Variants in ANPEP observed in about 807,000 individuals in gnomAD.
ANPEP encodes the protein alanyl aminopeptidase, membrane.
In ANPEP, 70 loss-of-function variants were observed where a neutral mutation model predicts 114.6. That is an observed-to-expected ratio of 0.61 (90% confidence interval 0.50 to 0.75). ANPEP has a LOEUF of 0.75. Ranked by LOEUF, ANPEP falls within the 30% of genes least tolerant of loss-of-function variation. The probability of loss-of-function intolerance (pLI) is 0.00; values close to 1 mark genes in which losing one functional copy is unlikely to be tolerated. For synonymous variants in ANPEP, 548 were observed against 522.3 expected, an observed-to-expected ratio of 1.05 and a Z score of -0.67; for missense variants, 1,184 against 1,259.5, an observed-to-expected ratio of 0.94 and a Z score of 0.91.
intron 18 of ANPEP, 86 bp from the exon 19 acceptor site, chr15:89,791,179 C>T: frequency 6.8e-7 from 1 of 1,474,732 alleles, no homozygotes; most frequent in Non-Finnish European, 9.3e-7. Context: ...ATCACCTATG[C>T]CTGCATCCTC....
intron 15 of ANPEP, among the ~76,000 whole-genome samples, chr15:89,796,489 T>C (rs2141797653): frequency 6.6e-6 from 1 of 152,154 alleles, no homozygotes; most frequent in Non-Finnish European, 1.5e-5. Flanking sequence ...TTGAACTTTT[T>C]TTTTTTCTTT....
At chr15:89,785,565 C>A in intron 20 of ANPEP, 64 bp from the exon 21 acceptor site, 1 of 1,599,782 alleles carries the variant, frequency 6.3e-7, no homozygotes, top group South Asian at 1.1e-5. Context: ...GAGGAGCTCT[C>A]TCAGGCCTCT....
intron 15 of ANPEP, chr15:89,797,304 C>T (rs560872780): frequency 5.5e-6 from 2 of 366,048 alleles, no homozygotes; most frequent in Admixed American, 4.7e-5. Flanking sequence ...GAAGTCTCCG[C>T]GACCTTTATT....
Position 89,793,029 on chromosome 15 carries a change from A to G in ANPEP, c.2249+6T>C, listed in dbSNP as rs758952297. ...GACTTCCAAACCCATGAGAGCTCCC[A>G]CTCACTGGTCCATCAGGTTTTCTGG... On this transcript the variant is annotated splice_donor_region_variant and intron_variant, in intron 16 of 20. Transcript: ENST00000300060. 4.3e-6 allele frequency: 7 copies of G among 1,612,786 alleles called. No homozygotes were observed. The Admixed American group carries it at 1.2e-4, about 27-fold the overall frequency.
At chr15:89,788,716 TCA>T (rs1338637562) in intron 20 of ANPEP, among the ~76,000 whole-genome samples, 1 of 152,042 alleles carries the variant, frequency 6.6e-6, no homozygotes, top group African/African-American at 2.4e-5. Flanking sequence ...TCCTCTCACC[TCA>T]GTCTCCTGAG....
At position 89,803,335 on chromosome 15, in the gene ANPEP, A is replaced by T. The variant is rs754562879; in HGVS notation, c.1504-31T>A. The stretch of plus-strand genomic sequence containing the variant: ...GAAAGACGGGGCACAGTGAGAGCAC[A>T]GCTGGAGCCCCCCAGGCTCCCCCTC... On this transcript the variant is annotated intron_variant, in intron 9 of 20. Coordinates refer to ENST00000300060, the MANE Select transcript of ANPEP (RefSeq NM_001150.3). The surrounding 1 kb of genome is among the most constrained non-coding windows in gnomAD (Gnocchi z 4.2). 1.9e-6 allele frequency: 3 copies of T among 1,613,782 alleles called. No individual in the cohort carries two copies. The highest frequency in any genetic ancestry group is 1.7e-6 in the Non-Finnish European group (2 of 1,179,666).
chr15:89,797,308 C>T (rs1370168656), intron 15 of ANPEP: 1 of 383,852 alleles, frequency 2.6e-6, no homozygotes. Flanking sequence ...TCTCCGCGAC[C>T]TTTATTGTTT....
chr15:89,785,475 C>T lies in ANPEP; in HGVS notation c.2778G>A (p.Glu926=). Residue 926 remains glutamate (E), a synonymous_variant, in exon 21 of 21, where the codon GAG becomes GAA. Transcript: ENST00000300060. ...QQLEQFKKDN[E]ETGFGSGTRA... is the part of the protein sequence containing the mutation. The stretch of plus-strand genomic sequence containing the variant: ...GGGTGCCTGAGCCGAAGCCTGTTTC[C>T]TCGTTGTCCTTCTTGAACTGCTCCA... 1 of 1,614,034 alleles carries T rather than the reference C, an allele frequency of 6.2e-7. No homozygotes were observed. Among genetic ancestry groups the T allele is most frequent in the Non-Finnish European group, 8.5e-7 (1 of 1,179,904 alleles).
intron 1 of ANPEP, among the ~76,000 whole-genome samples, chr15:89,813,313 T>C (rs1176920420): frequency 6.6e-6 from 1 of 152,180 alleles, no homozygotes; most frequent in African/African-American, 2.4e-5. Flanking sequence ...TAGCATACAA[T>C]TCTTACAGCG....
chr15:89,811,221 CGTGATCCACCTTT>C (rs1894810180), intron 1 of ANPEP, among the ~76,000 whole-genome samples: 1 of 152,240 alleles, frequency 6.6e-6, no homozygotes, highest in Non-Finnish European at 1.5e-5. Flanking sequence ...AAACCACCTT[CGTGATCCACCTTT>C]GTGATTATTT....
At chr15:89,787,040 CTTT>C (rs1015822999) in intron 20 of ANPEP, among the ~76,000 whole-genome samples, 2,289 of 91,060 alleles carry the variant, frequency 0.025, 36 homozygotes, top group African/African-American at 0.092. Flanking sequence ...TAATAAAACT[CTTT>C]TTTTTTTTTT....
At chr15:89,790,577 C>T in intron 19 of ANPEP, 36 bp from the exon 20 acceptor site, 3 of 1,576,434 alleles carry the variant, frequency 1.9e-6, no homozygotes, top group East Asian at 2.2e-5. Context: ...GTGAGGGAGG[C>T]CGGGAACTAA....
intron 20 of ANPEP, among the ~76,000 whole-genome samples, chr15:89,790,141 A>ACG (rs1555440280): frequency 1.3e-5 from 2 of 151,248 alleles, no homozygotes; most frequent in Admixed American, 1.3e-4. Context: ...AAATTACATG[A>ACG]TCAGTGATTT....
chr15:89,801,413 C>G (rs1361848461), intron 11 of ANPEP, 22 bp downstream of exon 11: 13 of 1,612,880 alleles, frequency 8.1e-6, no homozygotes, highest in Non-Finnish European at 1.1e-5. Flanking sequence ...CTGACCATGC[C>G]TCAGTGACCC....
At chr15:89,792,099 C>T in intron 18 of ANPEP, 61 bp downstream of exon 18, 3 of 1,566,146 alleles carry the variant, frequency 1.9e-6, no homozygotes, top group Non-Finnish European at 1.7e-6. Flanking sequence ...AGTGTGGAGG[C>T]CTGCCTGGTT....
chr15:89,812,004 C>T (rs371888942), intron 1 of ANPEP, among the ~76,000 whole-genome samples: 8 of 152,222 alleles, frequency 5.3e-5, no homozygotes, highest in Non-Finnish European at 1.0e-4. Context: ...AGGTTGACAA[C>T]GATCATGCCA....
intron 4 of ANPEP, 152 bp downstream of exon 4, chr15:89,804,926 C>A (rs1249931797): frequency 1.7e-6 from 2 of 1,147,568 alleles, no homozygotes; most frequent in African/African-American, 1.5e-5. Flanking sequence ...AAATGGAGAA[C>A]CAGAGAACAA....
At chr15:89,804,145 G>C (rs1043365003) in intron 6 of ANPEP, 108 bp downstream of exon 6, 10 of 1,568,712 alleles carry the variant, frequency 6.4e-6, no homozygotes, top group Non-Finnish European at 8.7e-6. Flanking sequence ...TGCCCTGCCA[G>C]GCGGCACCCT....
Position 89,814,339 on chromosome 15 carries a change from C to A in ANPEP, c.-224+433G>T, listed in dbSNP as rs1034242046. Among the ~76,000 whole-genome samples, 6 of 152,336 alleles carry A rather than the reference C, an allele frequency of 3.9e-5. No individual in the cohort carries two copies. The South Asian group carries it at 1.2e-3, about 32-fold the overall frequency. On this transcript the variant is annotated intron_variant, in intron 1 of 20. Transcript: ENST00000300060. ...CTCTGAGCCCAGTGTTGGCCAGAGACCCCACAGGCGGGCCGGGTTCGCCCT... is the reference window on the plus strand; with the variant it reads ...CTCTGAGCCCAGTGTTGGCCAGAGAACCCACAGGCGGGCCGGGTTCGCCCT...
Sources: gnomAD v4.1 joint callset for allele counts (sites outside exome capture counted in the v4.1 genomes callset) on GRCh38, gnomAD v4.1.1 for gene constraint, Gnocchi (gnomAD v3.1) non-coding constraint, MANE v1.5 for transcripts, NCBI Gene and HGNC (gene_info 2026-07-23, HGNC 2026-07-21) for gene names.